The following PCLO variants were observed in gnomAD, a reference collection of about 807,000 sequenced individuals.
PCLO encodes piccolo presynaptic cytomatrix protein.
In PCLO, 82 loss-of-function variants were observed where a neutral mutation model predicts 427.5. That is an observed-to-expected ratio of 0.19 (90% CI 0.16 to 0.23). The LOEUF is 0.23. Among genes scored for constraint, PCLO ranks in the 10% least tolerant of loss-of-function variants. The pLI is 1.00. For synonymous variants in PCLO, 2,357 were observed against 2,155.4 expected (o/e 1.09, Z -2.59); for missense variants, 6,239 against 6,115.9 (o/e 1.02, Z -0.67).
intron 3 of PCLO, among the ~76,000 whole-genome samples, chr7:83,116,788 G>A (rs568464884): frequency 2.0e-5 from 3 of 152,050 alleles, no homozygotes; most frequent in Admixed American, 1.3e-4. Flanking sequence ...CAACTCCCAC[G>A]CCAAACATGT....
chr7:83,091,241 C>A (rs1311347511), intron 3 of PCLO, among the ~76,000 whole-genome samples: 2 of 152,020 alleles, frequency 1.3e-5, no homozygotes, highest in African/African-American at 4.8e-5. Context: ...TAATGCTAAT[C>A]CATGTATGAA....
At chr7:82,896,846 C>A in intron 9 of PCLO, among the ~76,000 whole-genome samples, 1 of 151,590 alleles carries the variant, frequency 6.6e-6, no homozygotes, top group East Asian at 1.9e-4. Flanking sequence ...TCAAACTTAA[C>A]AACATTTTTA....
Position 82,805,760 on chromosome 7 carries a change from C to G in PCLO, c.14861G>C (p.Ser4954Thr), listed in dbSNP as rs758105470. ...STGSSGSSFG[S>T]GYSVDSEGSS... ...TCCTTCACTGTCCACGCTATACCCA[C>G]TGCCAAAGCTGCTGCCCGAGGAGCC... Residue 4954 changes from serine (S) to threonine (T), a missense_variant, in exon 21 of 25, where the codon AGT (serine) becomes ACT (threonine). Transcript: ENST00000333891. 6.2e-7 allele frequency: 1 copy of G among 1,611,824 alleles called. No homozygotes were observed. The highest frequency in any genetic ancestry group is 8.5e-7 in the Non-Finnish European group (1 of 1,178,936).
At chr7:83,043,912 C>CTTTTTTTTTTTTTTTTTTTTTTTT (rs869061778) in intron 3 of PCLO, among the ~76,000 whole-genome samples, 10 of 94,912 alleles carry the variant, frequency 1.1e-4, no homozygotes, top group East Asian at 4.2e-4. Flanking sequence ...CTATTATTTT[C>CTTTTTTTTTTTTTTTTTTTTTTTT]TTTTTTTTTT....
intron 9 of PCLO, among the ~76,000 whole-genome samples, chr7:82,884,616 T>C (rs1393003712): frequency 6.6e-6 from 1 of 152,156 alleles, no homozygotes; most frequent in Non-Finnish European, 1.5e-5. Context: ...TGCCGGATAC[T>C]TCTATAAAAG....
intron 3 of PCLO, among the ~76,000 whole-genome samples, chr7:83,005,293 T>C (rs1325584446): frequency 2.0e-5 from 3 of 151,652 alleles, no homozygotes; most frequent in African/African-American, 4.8e-5. Context: ...AAAGACATTA[T>C]GCTAAGTGTA....
chr7:82,914,670 T>G lies in PCLO; in HGVS notation c.13300+16A>C, dbSNP rs74356794. 6.2e-7 allele frequency: 1 copy of G among 1,611,756 alleles called. No homozygotes were observed. The highest frequency in any genetic ancestry group is 2.2e-5 in the East Asian group (1 of 44,668). ...TGAGTTTTGAGAGTAACAGGGTAGT[T>G]TGAGGCCCAATTTACCTTCACTGTC... On this transcript the variant is annotated intron_variant, in intron 7 of 24. Coordinates refer to ENST00000333891, the MANE Select transcript of PCLO (RefSeq NM_033026.6).
chr7:82,933,788 T>C (rs897119579), intron 6 of PCLO, among the ~76,000 whole-genome samples: 4 of 152,014 alleles, frequency 2.6e-5, no homozygotes, highest in Non-Finnish European at 4.4e-5. Context: ...TCTCCTTTGA[T>C]CTTTCTATGA....
chr7:82,869,034 ATTATG>A (rs1413878583), intron 10 of PCLO, among the ~76,000 whole-genome samples: 1 of 152,132 alleles, frequency 6.6e-6, no homozygotes, highest in Admixed American at 6.6e-5. Flanking sequence ...GTATTTCACA[ATTATG>A]TTATAACACA....
chr7:83,145,818 CAATAAAGTCACCTG>C (rs1480482621), intron 2 of PCLO, among the ~76,000 whole-genome samples: 1 of 152,064 alleles, frequency 6.6e-6, no homozygotes, highest in African/African-American at 2.4e-5. Flanking sequence ...ACTTAAAAAA[CAATAAAGTCACCTG>C]ACCAAATCAC....
intron 4 of PCLO, among the ~76,000 whole-genome samples, chr7:82,960,802 A>G (rs1182788222): frequency 1.3e-5 from 2 of 152,218 alleles, no homozygotes; most frequent in East Asian, 1.9e-4. Context: ...GAATGATTAA[A>G]TAATACACAT....
rs183125600 is a variant in PCLO, at chr7:82,909,737, G to A, written c.13301-724C>T. ...TTATTGTTAGGAACATGTGTGCCAT[G>A]ATTACGTAGTAGCCTAATATTAAAA... On this transcript the variant is annotated intron_variant, in intron 7 of 24. Transcript: ENST00000333891. Among the ~76,000 whole-genome samples, 197 of 152,120 alleles carry A rather than the reference G, an allele frequency of 1.3e-3. 1 individual carries two copies. The highest frequency in any genetic ancestry group is 4.6e-3 in the African/African-American group (190 of 41,516).
At chr7:82,765,594 A>AGGAGAG (rs1275471932) in intron 22 of PCLO, among the ~76,000 whole-genome samples, 25 of 152,126 alleles carry the variant, frequency 1.6e-4, no homozygotes, top group African/African-American at 4.6e-4. Context: ...CCTCTCAAAG[A>AGGAGAG]TTTGGTATAA....
At chr7:83,152,028 G>T (rs1048923462) in intron 2 of PCLO, among the ~76,000 whole-genome samples, 1 of 151,520 alleles carries the variant, frequency 6.6e-6, no homozygotes, top group Admixed American at 6.6e-5. Flanking sequence ...GCAGTGGCGT[G>T]ATCTTGGCTC....
chr7:82,900,767 A>G (rs1321653563), intron 9 of PCLO, among the ~76,000 whole-genome samples: 12 of 151,796 alleles, frequency 7.9e-5, no homozygotes, highest in Non-Finnish European at 2.9e-5. Context: ...AGATATTTTA[A>G]TATTATCATA....
intron 3 of PCLO, among the ~76,000 whole-genome samples, chr7:83,094,901 T>C (rs1355427316): frequency 6.6e-6 from 1 of 152,210 alleles, no homozygotes; most frequent in African/African-American, 2.4e-5. Flanking sequence ...TCTGTATGGA[T>C]GAGGAAAATT....
intron 4 of PCLO, among the ~76,000 whole-genome samples, chr7:82,962,286 T>G (rs1303483926): frequency 6.6e-6 from 1 of 152,156 alleles, no homozygotes. Context: ...TGGAATCTTC[T>G]TTTGAATTTT....
chr7:82,951,574 A>C (rs990055012), intron 5 of PCLO, 84 bp from the exon 6 acceptor site: 13 of 972,316 alleles, frequency 1.3e-5, no homozygotes, highest in Non-Finnish European at 2.0e-5. Context: ...CTTGATGAAC[A>C]TAATGAATGA....
At chr7:83,091,908 T>C (rs1428208141) in intron 3 of PCLO, among the ~76,000 whole-genome samples, 2 of 152,180 alleles carry the variant, frequency 1.3e-5, no homozygotes, top group African/African-American at 4.8e-5. Context: ...ATTATAAGAC[T>C]TCCTACATGC....
Sources: gnomAD v4.1 joint callset for allele counts (sites outside exome capture counted in the v4.1 genomes callset) on GRCh38, gnomAD v4.1.1 for gene constraint, MANE v1.5 for transcripts, NCBI Gene and HGNC (gene_info 2026-07-23, HGNC 2026-07-21) for gene names.